Variants in DLG2 observed in about 807,000 individuals in gnomAD.
The protein encoded by DLG2 is disks large homolog 2.
A neutral mutation model predicts 132.5 loss-of-function variants in DLG2; 45 were observed. That is an observed-to-expected ratio of 0.34 (90% CI 0.27 to 0.44). The LOEUF is 0.44. Among genes scored for constraint, DLG2 ranks in the 20% least tolerant of loss-of-function variants. The pLI, the probability that DLG2 is intolerant of heterozygous loss-of-function variation, is 1.00. For missense variants in DLG2, 1,045 were observed against 1,196.9 expected (o/e 0.87, Z 1.87); for synonymous variants, 424 against 419.6 (o/e 1.01, Z -0.13).
At chr11:84,982,610 T>C (rs1208721830) in intron 6 of DLG2, among the ~76,000 whole-genome samples, 1 of 152,172 alleles carries the variant, frequency 6.6e-6, no homozygotes, top group Non-Finnish European at 1.5e-5. Context: ...TTAGATCTGT[T>C]ATCCAACCTG....
chr11:84,106,319 C>T (rs1050254001), intron 9 of DLG2, among the ~76,000 whole-genome samples: 2 of 152,108 alleles, frequency 1.3e-5, no homozygotes, highest in Admixed American at 1.3e-4. Context: ...TAAAGTCTTT[C>T]TCACATCCAC....
chr11:83,981,569 G>A (rs1437052632), intron 11 of DLG2, among the ~76,000 whole-genome samples: 1 of 152,006 alleles, frequency 6.6e-6, no homozygotes, highest in Non-Finnish European at 1.5e-5. Context: ...AGCCTCCTGA[G>A]TAGCTGGGAT....
intron 2 of DLG2, among the ~76,000 whole-genome samples, chr11:85,622,089 A>T (rs2081746447): frequency 6.6e-6 from 1 of 152,238 alleles, no homozygotes. Flanking sequence ...AAGATCTTCC[A>T]CCAGCAAAAA....
At chr11:84,300,455 C>T (rs974338491) in intron 7 of DLG2, among the ~76,000 whole-genome samples, 2 of 152,108 alleles carry the variant, frequency 1.3e-5, no homozygotes, top group Non-Finnish European at 2.9e-5. Flanking sequence ...TCACTCATGA[C>T]GATGGTTAAG....
At chr11:84,246,311 T>C (rs12273950) in intron 8 of DLG2, among the ~76,000 whole-genome samples, 3,534 of 152,330 alleles carry the variant, frequency 0.023, 140 homozygotes, top group African/African-American at 0.08. Flanking sequence ...GGATGTGAGT[T>C]ATTTCTTTGT....
Position 85,036,537 on chromosome 11 carries a change from T to C in DLG2, c.357+75124A>G. 1.3e-5 allele frequency among the ~76,000 whole-genome samples: 2 copies of C among 152,326 alleles called. 1 individual carries two copies. Among genetic ancestry groups the C allele is most frequent in the Middle Eastern group, 6.8e-3 (2 of 294 alleles). ...TTATTTCATCAAGTAAGACTACATG[T>C]AGAAATAAAATGTTTCTATAGAGTC... On this transcript the variant is annotated intron_variant, in intron 6 of 27. Transcript: ENST00000376104.
chr11:85,555,487 T>A (rs1185265484), intron 3 of DLG2, among the ~76,000 whole-genome samples: 1 of 151,864 alleles, frequency 6.6e-6, no homozygotes, highest in Non-Finnish European at 1.5e-5. Flanking sequence ...CACTCCTAAT[T>A]AAAAGAAATC....
intron 21 of DLG2, among the ~76,000 whole-genome samples, chr11:83,487,376 T>A (rs1354694708): frequency 6.6e-6 from 1 of 152,072 alleles, no homozygotes; most frequent in Non-Finnish European, 1.5e-5. Flanking sequence ...TTCCAAAAGC[T>A]CTACATGAGT....
intron 3 of DLG2, among the ~76,000 whole-genome samples, chr11:85,369,220 T>A (rs1360254091): frequency 6.6e-6 from 1 of 151,986 alleles, no homozygotes; most frequent in Non-Finnish European, 1.5e-5. Context: ...TTGCTCCCCC[T>A]CCCCTCTGTG....
chr11:83,976,898 A>G (rs12808131), intron 12 of DLG2, among the ~76,000 whole-genome samples: 6,451 of 152,034 alleles, frequency 0.042, 197 homozygotes, highest in Non-Finnish European at 0.067. Flanking sequence ...TACTCTTAAA[A>G]TCACAGGAAA....
chr11:84,346,366 T>A, intron 7 of DLG2, among the ~76,000 whole-genome samples: 1 of 152,198 alleles, frequency 6.6e-6, no homozygotes, highest in East Asian at 1.9e-4. Context: ...GCATCTTGAA[T>A]CTTATATATG....
chr11:85,308,567 C>A lies in DLG2; in HGVS notation c.41-23202G>T, dbSNP rs528638004. The stretch of plus-strand genomic sequence containing the variant: ...CCCTCTCTTGCAGCTGAAGCTCTTA[C>A]CGAATCCTGGTCAAACTTCCTTTTG... On this transcript the variant is annotated intron_variant, in intron 3 of 27. Transcript: ENST00000376104. Among the ~76,000 whole-genome samples the A allele has an allele frequency of 2.5e-4, 38 of 152,298 alleles. 1 individual carries two copies. The South Asian group carries it at 7.9e-3, about 32-fold the overall frequency.
rs186190062 is a variant in DLG2, at chr11:85,405,268, T to C, written c.41-119903A>G. 1.8e-3 allele frequency among the ~76,000 whole-genome samples: 267 copies of C among 152,090 alleles called. 1 individual carries two copies. Among genetic ancestry groups the C allele is most frequent in the African/African-American group, 6.2e-3 (258 of 41,532 alleles). ...CATTTTGTGGCTCAGTGAGCCTAAC[T>C]TGTATGAAGAAAAGATATAGTCTCT... On this transcript the variant is annotated intron_variant, in intron 3 of 27. Coordinates refer to ENST00000376104, the MANE Select transcript of DLG2 (RefSeq NM_001142699.3).
intron 7 of DLG2, among the ~76,000 whole-genome samples, chr11:84,338,742 G>T (rs1401374513): frequency 2.6e-5 from 4 of 152,124 alleles, no homozygotes; most frequent in Non-Finnish European, 5.9e-5. Context: ...GGAGGCAGAG[G>T]TTGCAGTGAG....
chr11:84,157,023 A>C (rs2095441498), intron 9 of DLG2, among the ~76,000 whole-genome samples: 1 of 152,158 alleles, frequency 6.6e-6, no homozygotes, highest in African/African-American at 2.4e-5. Flanking sequence ...TGAATTTCTA[A>C]ATTCCTCATT....
At chr11:84,284,993 C>T (rs1228170727) in intron 7 of DLG2, among the ~76,000 whole-genome samples, 2 of 152,136 alleles carry the variant, frequency 1.3e-5, no homozygotes, top group Non-Finnish European at 2.9e-5. Flanking sequence ...GAGCATGTTT[C>T]GATTGACAAA....
intron 7 of DLG2, among the ~76,000 whole-genome samples, chr11:84,365,478 AT>A (rs1369212800): frequency 6.6e-6 from 1 of 151,850 alleles, no homozygotes; most frequent in South Asian, 2.1e-4. Flanking sequence ...GGATTCATTA[AT>A]TTTTTGAAGG....
At chr11:83,806,852 G>T (rs979068883) in intron 17 of DLG2, among the ~76,000 whole-genome samples, 2 of 152,078 alleles carry the variant, frequency 1.3e-5, no homozygotes, top group African/African-American at 4.8e-5. Flanking sequence ...TAGTGAAAAC[G>T]ATGTAAACTA....
intron 18 of DLG2, among the ~76,000 whole-genome samples, chr11:83,775,238 T>G (rs1170610361): frequency 1.3e-5 from 2 of 152,198 alleles, no homozygotes; most frequent in Non-Finnish European, 1.5e-5. Flanking sequence ...TTCTTTTGGT[T>G]TCTCCACACC....
Sources: allele counts gnomAD v4.1 joint callset (sites outside exome capture counted in the v4.1 genomes callset), GRCh38; gene constraint gnomAD v4.1.1; transcripts MANE v1.5; gene names NCBI Gene and HGNC (gene_info 2026-07-23, HGNC 2026-07-21).